LMBR1: variants seen among roughly 807,000 people sequenced by gnomAD.
LMBR1 encodes the protein limb development membrane protein 1.
LMBR1 carries 52 observed loss-of-function variants against 73.9 expected under a neutral mutation model. That is an observed-to-expected ratio of 0.70 (90% CI 0.56 to 0.89). The LOEUF (loss-of-function observed/expected upper bound fraction) is 0.89, where lower values mean the gene tolerates loss of function less well. Among genes scored for constraint, LMBR1 ranks in the 40% least tolerant of loss-of-function variants. LMBR1 has a pLI of 0.00. For synonymous variants in LMBR1, 215 were observed against 209.4 expected (o/e 1.03, Z -0.23); for missense variants, 539 against 579.8 (o/e 0.93, Z 0.72).
chr7:156,882,655 G>C (rs577206642), intron 1 of LMBR1, among the ~76,000 whole-genome samples: 112 of 152,210 alleles, frequency 7.4e-4, no homozygotes, highest in Non-Finnish European at 1.4e-3. Context: ...TGGGCATAAA[G>C]CTTCAGTCAA....
chr7:156,712,872 G>C (rs980385388), intron 15 of LMBR1, among the ~76,000 whole-genome samples: 3 of 152,160 alleles, frequency 2.0e-5, no homozygotes, highest in Non-Finnish European at 4.4e-5. Flanking sequence ...CAGGGCAGGG[G>C]GGAGGCTGGA....
At chr7:156,700,818 T>A (rs979738089) in intron 15 of LMBR1, among the ~76,000 whole-genome samples, 3 of 152,194 alleles carry the variant, frequency 2.0e-5, no homozygotes, top group African/African-American at 7.2e-5. Flanking sequence ...ATTCTACTGT[T>A]ACCAATTTAC....
chr7:156,849,567 GAA>G lies in LMBR1; in HGVS notation c.67-12684_67-12683del, dbSNP rs542247131. On this transcript the variant is annotated intron_variant, in intron 1 of 16. Coordinates refer to ENST00000353442, the MANE Select transcript of LMBR1 (RefSeq NM_022458.4). Reference sequence around the variant, plus strand: ...CTTAAATGCTTGCTGCTAAGTGAAAGAAGTCAATTTGAAATGGCAACATTTGT... The same window carrying G: ...CTTAAATGCTTGCTGCTAAGTGAAAGGTCAATTTGAAATGGCAACATTTGT... 3.1e-3 allele frequency among the ~76,000 whole-genome samples: 475 copies of G among 152,296 alleles called. 2 individuals are homozygous for G. Among genetic ancestry groups the G allele is most frequent in the Non-Finnish European group, 5.8e-3 (396 of 68,028 alleles).
intron 15 of LMBR1, among the ~76,000 whole-genome samples, chr7:156,710,463 C>T (rs1267988912): frequency 6.6e-6 from 1 of 152,118 alleles, no homozygotes; most frequent in Non-Finnish European, 1.5e-5. Context: ...ATTAACCCAA[C>T]TGGACAAAGA....
At chr7:156,892,901 G>A (rs973502138) in intron 1 of LMBR1, 27 bp downstream of exon 1, 1 of 1,462,978 alleles carries the variant, frequency 6.8e-7, no homozygotes, top group Non-Finnish European at 9.0e-7. Flanking sequence ...ACGCGGGACT[G>A]TCAGGGCTGC....
chr7:156,756,879 T>TA (rs987409357), intron 8 of LMBR1, among the ~76,000 whole-genome samples: 1 of 152,100 alleles, frequency 6.6e-6, no homozygotes, highest in African/African-American at 2.4e-5. Flanking sequence ...AGTGGTACGA[T>TA]AATCTCAGCT....
chr7:156,732,094 G>C (rs1816943709), intron 10 of LMBR1, among the ~76,000 whole-genome samples: 1 of 151,958 alleles, frequency 6.6e-6, no homozygotes, highest in African/African-American at 2.4e-5. Context: ...CATCGTATTT[G>C]ATTTTCAAGA....
rs1318803954 is a variant in LMBR1, at chr7:156,670,698, T to G, written n.867-1411A>C. Among the ~76,000 whole-genome samples the G allele has an allele frequency of 6.6e-6, 1 of 152,156 alleles. No individual in the cohort carries two copies. The highest frequency in any genetic ancestry group is 2.4e-5 in the African/African-American group (1 of 41,434). ...GAGCGGCAGAAGGTGAGATGGCATCTCCGTGTGTCGGGAGAGACCTAACCG... is the reference window on the plus strand; with the variant it reads ...GAGCGGCAGAAGGTGAGATGGCATCGCCGTGTGTCGGGAGAGACCTAACCG... On this transcript the variant is annotated intron_variant and non_coding_transcript_variant, in intron 4 of 4. Coordinates refer to the LMBR1 transcript ENST00000430825. The surrounding 1 kb of genome is among the most constrained non-coding windows in gnomAD (Gnocchi z 4.3).
intron 11 of LMBR1, 146 bp downstream of exon 11, chr7:156,728,498 A>C (rs577792205): frequency 3.1e-4 from 158 of 502,374 alleles, no homozygotes; most frequent in African/African-American, 1.8e-3. Flanking sequence ...TTGGATTTTC[A>C]TAAATAAAGG....
chr7:156,799,037 CAA>C (rs535464328), intron 4 of LMBR1, among the ~76,000 whole-genome samples: 7 of 122,710 alleles, frequency 5.7e-5, no homozygotes, highest in Admixed American at 1.7e-4. Flanking sequence ...AATAAAAATA[CAA>C]AAAAAAAAAA....
At chr7:156,674,550 T>C (rs1803362660), downstream of LMBR1, among the ~76,000 whole-genome samples, 1 of 152,194 alleles carries the variant, frequency 6.6e-6, no homozygotes, top group South Asian at 2.1e-4. Flanking sequence ...ATGACACTGG[T>C]GGCCACTCTG....
rs1371487842 is a variant in LMBR1 at position 156,891,209 on chromosome 7, AAAATAT to A, written c.66+1713_66+1718del. On this transcript the variant is annotated intron_variant, in intron 1 of 16. Transcript: ENST00000353442. ...CCATCACAAAAAAAAAAAAAAAAAA[AAAATAT>A]ATATATATATATATATATACACACA... 5.1e-3 allele frequency among the ~76,000 whole-genome samples: 453 copies of A among 89,148 alleles called. 5 individuals are homozygous for A. The highest frequency in any genetic ancestry group is 0.019 in the African/African-American group (386 of 20,054). The allele number at this position is 89,148 out of a possible 152,430, so 58.5% of individuals were successfully genotyped here.
At chr7:156,869,613 A>G (rs963501616) in intron 1 of LMBR1, among the ~76,000 whole-genome samples, 1 of 152,192 alleles carries the variant, frequency 6.6e-6, no homozygotes, top group African/African-American at 2.4e-5. Flanking sequence ...AAAAAACTAT[A>G]AGACTAACAA....
chr7:156,843,011 C>T (rs1369445908), intron 1 of LMBR1, among the ~76,000 whole-genome samples: 5 of 152,158 alleles, frequency 3.3e-5, no homozygotes, highest in Admixed American at 6.5e-5. Context: ...TCACACTCAT[C>T]GACCAACTCA....
chr7:156,803,603 G>C (rs1344993410), intron 4 of LMBR1, among the ~76,000 whole-genome samples: 2 of 152,142 alleles, frequency 1.3e-5, no homozygotes, highest in African/African-American at 2.4e-5. Context: ...CAAGGATCTA[G>C]AACTAGAAAT....
chr7:156,741,423 C>T (rs572958406), intron 9 of LMBR1, among the ~76,000 whole-genome samples: 1 of 152,178 alleles, frequency 6.6e-6, no homozygotes, highest in East Asian at 1.9e-4. Flanking sequence ...GTTACCTATA[C>T]AGATACGAAT....
chr7:156,786,367 G>A (rs924496484), intron 5 of LMBR1, among the ~76,000 whole-genome samples: 20 of 152,188 alleles, frequency 1.3e-4, no homozygotes, highest in African/African-American at 4.8e-4. Context: ...TCAAAAATAC[G>A]TTTAATAATA....
At chr7:156,816,638 A>T (rs1368469360) in intron 4 of LMBR1, among the ~76,000 whole-genome samples, 2 of 152,216 alleles carry the variant, frequency 1.3e-5, no homozygotes, top group African/African-American at 4.8e-5. Flanking sequence ...TTTCAGACTC[A>T]ACTTACGCTA....
intron 9 of LMBR1, among the ~76,000 whole-genome samples, chr7:156,739,556 G>A (rs1818515283): frequency 6.6e-6 from 1 of 152,222 alleles, no homozygotes; most frequent in Non-Finnish European, 1.5e-5. Context: ...CCACAGGAGT[G>A]CTTGCATCAC....
Sources: gnomAD v4.1 joint callset for allele counts (sites outside exome capture counted in the v4.1 genomes callset) on GRCh38, gnomAD v4.1.1 for gene constraint, Gnocchi (gnomAD v3.1) non-coding constraint, MANE v1.5 for transcripts, NCBI Gene and HGNC (gene_info 2026-07-23, HGNC 2026-07-21) for gene names.